The following PTPN3 variants were observed in gnomAD, a reference collection of about 807,000 sequenced individuals.
PTPN3 encodes the protein protein tyrosine phosphatase non-receptor type 3.
Under a neutral mutation model 132.7 loss-of-function variants are expected in PTPN3, and 96 were observed. The ratio of observed to expected loss-of-function variants is 0.72; its 90% CI spans 0.61 to 0.86. The LOEUF is 0.86. Among genes scored for constraint, PTPN3 ranks in the 40% least tolerant of loss-of-function variants. PTPN3 has a pLI of 0.00. For missense variants in PTPN3, 1,125 were observed against 1,159.6 expected, an observed-to-expected ratio of 0.97 and a Z score of 0.43; for synonymous variants, 398 against 429.0, an observed-to-expected ratio of 0.93 and a Z score of 0.89.
chr9:109,443,120 G>A (rs1028869465), intron 7 of PTPN3, among the ~76,000 whole-genome samples: 1 of 145,990 alleles, frequency 6.8e-6, no homozygotes, highest in Non-Finnish European at 1.5e-5. Context: ...CTGTCACAAA[G>A]GCTGGAGTGC....
chr9:109,422,394 G>A (rs1296285125), intron 13 of PTPN3, among the ~76,000 whole-genome samples: 10 of 152,152 alleles, frequency 6.6e-5, no homozygotes, highest in Non-Finnish European at 1.3e-4. Flanking sequence ...AAAGCTAACC[G>A]TACTTTTTTA....
intron 19 of PTPN3, among the ~76,000 whole-genome samples, chr9:109,393,900 G>C (rs946059646): frequency 3.3e-5 from 5 of 152,128 alleles, no homozygotes; most frequent in African/African-American, 4.8e-5. Context: ...TTAACATAGA[G>C]AGTTTGGGTC....
chr9:109,534,029 G>A, the PTPN3 span: 1 of 769,110 alleles, frequency 1.3e-6, no homozygotes, highest in Non-Finnish European at 2.4e-6. Context: ...TCTACACTGC[G>A]AAGGTACCTC....
At chr9:109,491,710 T>C (rs1275910842) in intron 1 of PTPN3, among the ~76,000 whole-genome samples, 2 of 152,050 alleles carry the variant, frequency 1.3e-5, no homozygotes, top group Non-Finnish European at 2.9e-5. Context: ...TTAACTCAAG[T>C]CAGGAAGGTG....
At chr9:109,433,328 G>A (rs1461765691) in intron 9 of PTPN3, among the ~76,000 whole-genome samples, 167 bp from the exon 10 acceptor site, 2 of 152,154 alleles carry the variant, frequency 1.3e-5, no homozygotes, top group African/African-American at 4.8e-5. Context: ...ACTTAAGATC[G>A]AAGTACTGAG....
intron 1 of PTPN3, among the ~76,000 whole-genome samples, chr9:109,497,358 C>T (rs76109823): frequency 6.6e-6 from 1 of 152,106 alleles, no homozygotes; most frequent in East Asian, 1.9e-4. Context: ...AACAACCCAG[C>T]GAGGTGGGCA....
chr9:109,391,029 G>A (rs1840034366), intron 21 of PTPN3, 109 bp downstream of exon 21: 2 of 958,514 alleles, frequency 2.1e-6, no homozygotes, highest in African/African-American at 1.7e-5. Flanking sequence ...CTGAAATGCG[G>A]TGGTGAACGG....
chr9:109,446,288 G>A (rs1302618285), intron 6 of PTPN3, among the ~76,000 whole-genome samples: 9 of 152,208 alleles, frequency 5.9e-5, no homozygotes, highest in Non-Finnish European at 8.8e-5. Context: ...ATGGCAGCCC[G>A]TGAAGTACCC....
At chr9:109,444,351 G>A (rs1229480921) in intron 7 of PTPN3, among the ~76,000 whole-genome samples, 1 of 152,112 alleles carries the variant, frequency 6.6e-6, no homozygotes, top group Non-Finnish European at 1.5e-5. Flanking sequence ...GACTTGGAAG[G>A]GAATATACCC....
At chr9:109,388,796 AG>A (rs527622128) in intron 22 of PTPN3, among the ~76,000 whole-genome samples, 137 of 152,342 alleles carry the variant, frequency 9.0e-4, no homozygotes, top group Non-Finnish European at 1.5e-3. Context: ...TCAACTTTAC[AG>A]GGAAGAGAAG....
chr9:109,408,114 C>G (rs932675850), intron 17 of PTPN3, among the ~76,000 whole-genome samples: 2 of 152,196 alleles, frequency 1.3e-5, no homozygotes, highest in Admixed American at 6.5e-5. Context: ...GCCAGAGATG[C>G]TGCATTTCTA....
At chr9:109,418,913 C>T (rs1049141153) in intron 14 of PTPN3, among the ~76,000 whole-genome samples, 11 of 152,216 alleles carry the variant, frequency 7.2e-5, no homozygotes, top group Non-Finnish European at 1.2e-4. Flanking sequence ...AGCCCTCCAA[C>T]GCTTCCCTAA....
In PTPN3 at chr9:109,420,558, G is replaced by A. The variant is rs764933280; in HGVS notation, c.1179C>T (p.His393=). Residue 393 remains histidine (H), a synonymous_variant, in exon 14 of 26, where the codon CAC becomes CAT. Coordinates refer to ENST00000374541, the MANE Select transcript of PTPN3 (RefSeq NM_002829.4). The part of the protein sequence containing the change: ...RLRHEIRKPR[H]SSADNLANEM... ...CATTTGCAAGGTTATCTGCAGAAGA[G>A]TGGCGTGGCTTTCGGATTTCGTGCC... is the stretch of plus-strand genomic sequence containing the variant. 6.8e-6 allele frequency: 11 copies of A among 1,612,520 alleles called. No individual in the cohort carries two copies. The highest frequency in any genetic ancestry group is 8.5e-6 in the Non-Finnish European group (10 of 1,179,556).
chr9:109,514,452 G>A, the PTPN3 span, among the ~76,000 whole-genome samples: 2 of 152,204 alleles, frequency 1.3e-5, no homozygotes, highest in East Asian at 1.9e-4. Flanking sequence ...AGTGGCGAGG[G>A]GGTTTTCATT....
chr9:109,472,692 C>T (rs1042939229), intron 1 of PTPN3, among the ~76,000 whole-genome samples: 14 of 152,136 alleles, frequency 9.2e-5, no homozygotes, highest in African/African-American at 2.4e-4. Context: ...CTACCTTCTG[C>T]CATTTTTAGC....
chr9:109,496,070 T>C (rs993091644), intron 1 of PTPN3, among the ~76,000 whole-genome samples: 2 of 152,244 alleles, frequency 1.3e-5, no homozygotes, highest in Non-Finnish European at 2.9e-5. Flanking sequence ...TGACCTTTTA[T>C]ATTCCCCAGC....
At position 109,453,970 on chromosome 9, in the gene PTPN3, G is replaced by A. The variant is rs538613549; in HGVS notation, c.368+526C>T. 3.9e-5 allele frequency among the ~76,000 whole-genome samples: 6 copies of A among 152,138 alleles called. No homozygotes were observed. The East Asian group carries it at 7.7e-4, about 20-fold the overall frequency. ...GCGGAGGTTGCAGTGAGCCAAGCTC[G>A]CACCTCTGCGCTCCAGCCAGGGTGA... On this transcript the variant is annotated intron_variant, in intron 5 of 25. Coordinates refer to ENST00000374541, the MANE Select transcript of PTPN3 (RefSeq NM_002829.4).
At chr9:109,421,609 C>A (rs891348359) in intron 13 of PTPN3, among the ~76,000 whole-genome samples, 1 of 152,196 alleles carries the variant, frequency 6.6e-6, no homozygotes, top group Non-Finnish European at 1.5e-5. Context: ...GCATTGCTGC[C>A]GATGAGATTT....
rs571804600 is a variant in PTPN3, at chr9:109,426,874, T to C, written c.1001+76A>G. On this transcript the variant is annotated intron_variant, in intron 12 of 25. Transcript: ENST00000374541. Reference sequence around the variant, plus strand: ...ATGGGTTTCCTCCTCTGCCTAACAATGTCCTCTATTCACTGATGACCAGGA... The same window carrying C: ...ATGGGTTTCCTCCTCTGCCTAACAACGTCCTCTATTCACTGATGACCAGGA... 9.6e-6 allele frequency: 14 copies of C among 1,452,152 alleles called. No individual in the cohort carries two copies. In the South Asian group the frequency reaches 1.0e-4, roughly 11 times the overall value. 90.0% of individuals were successfully genotyped at this position (1,452,152 alleles called of 1,614,324 possible).
Sources: allele counts gnomAD v4.1 joint callset (sites outside exome capture counted in the v4.1 genomes callset), GRCh38; gene constraint gnomAD v4.1.1; transcripts MANE v1.5; gene names NCBI Gene and HGNC (gene_info 2026-07-23, HGNC 2026-07-21).